The following GSE1 variants were observed in gnomAD, a reference collection of about 807,000 sequenced individuals.
GSE1 encodes genetic suppressor element 1.
Under a neutral mutation model 112.6 loss-of-function variants are expected in GSE1, and 32 were observed. That is an observed-to-expected ratio of 0.28 (90% CI 0.21 to 0.38). The LOEUF (loss-of-function observed/expected upper bound fraction) is 0.38, where lower values mean the gene tolerates loss of function less well. GSE1 is among the 10% of genes least tolerant of loss of function. The pLI is 1.00. For synonymous variants in GSE1, 1,115 were observed against 735.6 expected (o/e 1.52, Z -8.35); for missense variants, 2,348 against 1,699.2 (o/e 1.38, Z -6.71).
intron 1 of GSE1, among the ~76,000 whole-genome samples, chr16:85,308,873 A>G (rs2045751352): frequency 6.8e-6 from 1 of 147,312 alleles, no homozygotes; most frequent in Admixed American, 6.9e-5. Flanking sequence ...CCAGCTTGGG[A>G]CTGTGCTATC....
chr16:85,655,821 A>G lies in GSE1; in HGVS notation c.893A>G (p.His298Arg). ...CCCCCACTGCACCCATCAGCGATGC[A>G]CCTGCACCTCTCTGGGGTCCGCTAC... is the stretch of plus-strand genomic sequence containing the variant. ...SLPPLHPSAM[H>R]LHLSGVRYPP... Residue 298 changes from histidine (H) to arginine (R), a missense_variant, in exon 6 of 16, where the codon CAC becomes CGC. By Grantham distance (29) the His-to-Arg change is conservative. Coordinates refer to ENST00000253458, the MANE Select transcript of GSE1 (RefSeq NM_014615.5). The G allele has an allele frequency of 1.9e-6, 3 of 1,605,638 alleles. No individual in the cohort carries two copies. Among genetic ancestry groups the G allele is most frequent in the Non-Finnish European group, 2.5e-6 (3 of 1,176,760 alleles).
At chr16:85,640,668 G>T (rs1481961737) in intron 2 of GSE1, among the ~76,000 whole-genome samples, 6 of 152,258 alleles carry the variant, frequency 3.9e-5, no homozygotes, top group African/African-American at 1.4e-4. Context: ...TTCCACCGTG[G>T]AGCCGGCCTG....
At chr16:85,480,815 G>C (rs138602623) in intron 2 of GSE1, among the ~76,000 whole-genome samples, 1 of 152,302 alleles carries the variant, frequency 6.6e-6, no homozygotes, top group Non-Finnish European at 1.5e-5. Context: ...CCCAGCGCCT[G>C]CTCCCTGAAG....
intron 1 of GSE1, among the ~76,000 whole-genome samples, chr16:85,191,415 C>T (rs1038688991): frequency 2.0e-5 from 3 of 152,114 alleles, no homozygotes; most frequent in South Asian, 2.1e-4. Flanking sequence ...TAGAAATTCA[C>T]CCCTGAAAGA....
intron 2 of GSE1, among the ~76,000 whole-genome samples, chr16:85,634,842 G>A (rs1201367419): frequency 2.6e-5 from 4 of 152,218 alleles, no homozygotes; most frequent in African/African-American, 7.2e-5. Flanking sequence ...ACCATTGGCA[G>A]GGGCTGCTGC....
intron 1 of GSE1, among the ~76,000 whole-genome samples, chr16:85,326,512 G>A (rs1183568095): frequency 6.6e-6 from 1 of 152,190 alleles, no homozygotes; most frequent in Admixed American, 6.5e-5. Flanking sequence ...CCCCTATGCC[G>A]TTCTTGTGAT....
intron 2 of GSE1, among the ~76,000 whole-genome samples, chr16:85,359,033 C>T (rs565259880): frequency 1.4e-4 from 21 of 152,068 alleles, no homozygotes; most frequent in Admixed American, 3.9e-4. Flanking sequence ...AGGACCCGAG[C>T]GTGTTTGTGA....
intron 1 of GSE1, among the ~76,000 whole-genome samples, chr16:85,349,714 T>C (rs2046815341): frequency 6.6e-6 from 1 of 152,148 alleles, no homozygotes; most frequent in African/African-American, 2.4e-5. Flanking sequence ...GACGCCGTGT[T>C]CTTTTGTGTT....
chr16:85,621,749 C>T (rs925995507), intron 1 of GSE1, among the ~76,000 whole-genome samples: 4 of 152,168 alleles, frequency 2.6e-5, no homozygotes, highest in Admixed American at 1.3e-4. Flanking sequence ...TTGTGTCATC[C>T]GTGTCTCTTA....
intron 2 of GSE1, among the ~76,000 whole-genome samples, chr16:85,467,762 C>G (rs2050166353): frequency 6.6e-6 from 1 of 152,126 alleles, no homozygotes; most frequent in Admixed American, 6.6e-5. Flanking sequence ...ACGGAGATAC[C>G]CCCTCCAGAT....
At chr16:85,182,523 C>T (rs752723611) in intron 1 of GSE1, among the ~76,000 whole-genome samples, 17 of 152,190 alleles carry the variant, frequency 1.1e-4, no homozygotes, top group Admixed American at 2.6e-4. Context: ...CTTCCTGATT[C>T]GTAAGTGTTT....
intron 1 of GSE1, among the ~76,000 whole-genome samples, chr16:85,352,886 G>C (rs981343843): frequency 1.7e-4 from 26 of 152,196 alleles, no homozygotes; most frequent in Non-Finnish European, 3.2e-4. Context: ...GGCCAGGGGA[G>C]GGACTGGCAC....
At chr16:85,281,065 A>G (rs911006276) in intron 1 of GSE1, among the ~76,000 whole-genome samples, 2 of 152,156 alleles carry the variant, frequency 1.3e-5, no homozygotes, top group African/African-American at 4.8e-5. Flanking sequence ...TCCCTGCTCT[A>G]AAGTCACTTC....
intron 1 of GSE1, among the ~76,000 whole-genome samples, chr16:85,188,531 A>G (rs911859285): frequency 1.3e-5 from 2 of 152,030 alleles, no homozygotes; most frequent in Non-Finnish European, 2.9e-5. Context: ...GAGCTAGGGG[A>G]GGCCAGGCAC....
In GSE1 at chr16:85,346,314, TGATG is replaced by T. The variant is rs891076457; in HGVS notation, c.2284-11136_2284-11133del. 5.4e-5 allele frequency among the ~76,000 whole-genome samples: 8 copies of T among 147,444 alleles called. No individual in the cohort carries two copies. The South Asian group carries it at 6.5e-4, about 12-fold the overall frequency. ...GATGAATAGTGGATGGGTGGATGGATGATGGATGGATGGATGATGGGCAGGTAGA... is the reference window on the plus strand; with the variant it reads ...GATGAATAGTGGATGGGTGGATGGATGATGGATGGATGATGGGCAGGTAGA... On this transcript the variant is annotated intron_variant, in intron 1 of 2. Transcript: ENST00000637419.
intron 2 of GSE1, among the ~76,000 whole-genome samples, chr16:85,514,907 G>A (rs2051875272): frequency 1.3e-5 from 2 of 152,122 alleles, no homozygotes. Context: ...ATGTGCGTGT[G>A]TTTGCCCGTA....
intron 15 of GSE1, among the ~76,000 whole-genome samples, chr16:85,671,642 G>C (rs999179436): frequency 1.3e-5 from 2 of 152,082 alleles, no homozygotes; most frequent in Non-Finnish European, 2.9e-5. Context: ...GACACCAGTT[G>C]ATTATCTAGG....
intron 1 of GSE1, among the ~76,000 whole-genome samples, chr16:85,187,044 G>A (rs2074718254): frequency 1.3e-5 from 2 of 152,232 alleles, no homozygotes; most frequent in South Asian, 4.1e-4. Context: ...TGGGGTTGGT[G>A]CAGTGACGCA....
chr16:85,215,493 T>C lies in GSE1; in HGVS notation c.2283+43686T>C, dbSNP rs561571438. On this transcript the variant is annotated intron_variant, in intron 1 of 2. Transcript: ENST00000637419. ...TGGCAGGTGCACTGAAATTTCAGAA[T>C]TCACCACTGTATAACTCATTCATGC... Among the ~76,000 whole-genome samples, 18 of 152,308 alleles carry C rather than the reference T, an allele frequency of 1.2e-4. No homozygotes were observed. The South Asian group carries it at 3.7e-3, about 32-fold the overall frequency.
Sources: gnomAD v4.1 joint callset for allele counts (sites outside exome capture counted in the v4.1 genomes callset) on GRCh38, gnomAD v4.1.1 for gene constraint, MANE v1.5 for transcripts, NCBI Gene and HGNC (gene_info 2026-07-23, HGNC 2026-07-21) for gene names.